Variants in ZSCAN12 observed in about 807,000 individuals in gnomAD.
ZSCAN12 encodes the protein zinc finger and SCAN domain-containing protein 12.
Under a neutral mutation model 23.4 loss-of-function variants are expected in ZSCAN12, and 18 were observed. The ratio of observed to expected loss-of-function variants is 0.77; its 90% CI spans 0.53 to 1.14. The LOEUF (loss-of-function observed/expected upper bound fraction) is 1.14. Among genes scored for constraint, ZSCAN12 ranks in the 50% most tolerant of loss-of-function variants. The pLI is 0.00. For missense variants in ZSCAN12, 650 were observed against 735.0 expected, an observed-to-expected ratio of 0.88 and a Z score of 1.34; for synonymous variants, 186 against 253.4, an observed-to-expected ratio of 0.73 and a Z score of 2.53.
chr6:28,392,118 G>T (rs773961308), intron 3 of ZSCAN12, among the ~76,000 whole-genome samples: 1 of 151,890 alleles, frequency 6.6e-6, no homozygotes, highest in Non-Finnish European at 1.5e-5. Context: ...ATAAGGTAGC[G>T]GATCTTTCAC....
downstream of ZSCAN12, chr6:28,382,414 G>T: frequency 1.3e-6 from 2 of 1,501,560 alleles, no homozygotes; most frequent in Admixed American, 2.3e-5. Flanking sequence ...AAAGTTTGAG[G>T]AAAGACCTGT....
Position 28,391,431 on chromosome 6 carries a change from A to G in ZSCAN12, c.859T>C (p.Ser287Pro). 1 of 1,551,820 alleles carries G rather than the reference A, an allele frequency of 6.4e-7. No homozygotes were observed. Among genetic ancestry groups the G allele is most frequent in the Non-Finnish European group, 8.7e-7 (1 of 1,146,966 alleles). ...DDCGKAFSQH[S>P]HLIEHQRIHT... is the part of the protein sequence containing the mutation. ...ATCCTCTGATGTTCTATGAGGTGTG[A>G]GTGCTGACTAAAAGCTTTTCCACAG... Residue 287 changes from serine to proline, a missense_variant, in exon 4 of 4, where the codon TCA becomes CCA. By Grantham distance (74) the Ser-to-Pro change is moderately conservative. Coordinates refer to ENST00000684592, the MANE Select transcript of ZSCAN12 (RefSeq NM_001163391.2). The surrounding 1 kb of genome is among the most constrained non-coding windows in gnomAD (Gnocchi z 4.1).
rs963282485 is a variant in ZSCAN12 at position 28,391,416 on chromosome 6, G to A, written c.874C>T (p.His292Tyr). ...CTATCTCCAGTATGGATCCTCTGAT[G>A]TTCTATGAGGTGTGAGTGCTGACTA... is the stretch of plus-strand genomic sequence containing the variant. ...AFSQHSHLIE[H>Y]QRIHTGDRPY... The change falls in exon 4 of 4, where the codon CAT (histidine) becomes TAT (tyrosine). Residue 292 changes from histidine (H) to tyrosine (Y), a missense_variant. His to Tyr is a moderately conservative substitution (Grantham distance 83, BLOSUM62 2). Coordinates refer to ENST00000684592, the MANE Select transcript of ZSCAN12 (RefSeq NM_001163391.2). This position sits in a 1 kb window ranked among gnomAD's most constrained non-coding sequence, Gnocchi z 4.1. 2 of 1,551,558 alleles carry A rather than the reference G, an allele frequency of 1.3e-6. No individual in the cohort carries two copies. Among genetic ancestry groups the A allele is most frequent in the Non-Finnish European group, 1.7e-6 (2 of 1,146,744 alleles).
chr6:28,382,754 A>C (rs985277668), downstream of ZSCAN12: 67 of 1,336,812 alleles, frequency 5.0e-5, no homozygotes, highest in South Asian at 9.7e-5. Flanking sequence ...GTGACTGCAA[A>C]TTATTAGCTA....
chr6:28,391,048 A>G lies in ZSCAN12; in HGVS notation c.1242T>C (p.Tyr414=). 2 of 1,556,078 alleles carry G rather than the reference A, an allele frequency of 1.3e-6. No homozygotes were observed. Among genetic ancestry groups the G allele is most frequent in the South Asian group, 2.4e-5 (2 of 84,286 alleles). The stretch of plus-strand genomic sequence containing the variant: ...AGGCTTTTCCACACTCGTTGCACTC[A>G]TACGGCTTGGCGCCGGTATGAACTC... ...HQGVHTGAKP[Y]ECNECGKAFV... is the part of the protein sequence containing the mutation. Residue 414 remains tyrosine, a synonymous_variant, in exon 4 of 4, where the codon TAT becomes TAC. Coordinates refer to ENST00000684592, the MANE Select transcript of ZSCAN12 (RefSeq NM_001163391.2). The surrounding 1 kb of genome is among the most constrained non-coding windows in gnomAD (Gnocchi z 4.1).
rs765440621 is a variant in ZSCAN12 at position 28,391,006 on chromosome 6, G to A, written c.1284C>T (p.Ser428=). ...ECGKAFVYNS[S]LVSHQEIHHK... ...GGTGGATTTCCTGATGGGAAACAAG[G>A]GATGAGTTATAAACAAAGGCTTTTC... Residue 428 remains serine, a synonymous_variant, in exon 4 of 4, where the codon TCC becomes TCT. Transcript: ENST00000684592. The surrounding 1 kb of genome is among the most constrained non-coding windows in gnomAD (Gnocchi z 4.1). The A allele has an allele frequency of 6.4e-7, 1 of 1,556,458 alleles. No individual in the cohort carries two copies. The highest frequency in any genetic ancestry group is 1.2e-5 in the South Asian group (1 of 84,354).
chr6:28,391,301 T>C lies in ZSCAN12; in HGVS notation c.989A>G (p.Tyr330Cys), dbSNP rs61742568. 1.3e-4 allele frequency: 198 copies of C among 1,551,960 alleles called. 1 individual carries two copies. The highest frequency in any genetic ancestry group is 6.9e-4 in the South Asian group (58 of 84,052). Residue 330 changes from tyrosine to cysteine, a missense_variant, in exon 4 of 4, where the codon TAT becomes TGT. Coordinates refer to ENST00000684592, the MANE Select transcript of ZSCAN12 (RefSeq NM_001163391.2). The surrounding 1 kb of genome is among the most constrained non-coding windows in gnomAD (Gnocchi z 4.1). ...HKIIHTGEKP[Y>C]KCNECGKAFG... ...GGCTTTGCCACATTCATTACACTTA[T>C]ACGGTTTCTCTCCAGTGTGTATTAT...
intron 2 of ZSCAN12, among the ~76,000 whole-genome samples, 195 bp downstream of exon 2, chr6:28,397,809 A>T (rs182556291): frequency 2.5e-3 from 379 of 152,208 alleles, no homozygotes; most frequent in Non-Finnish European, 3.2e-3. Context: ...CTTAATAGAG[A>T]AATATAAAAT....
At position 28,398,237 on chromosome 6, in the gene ZSCAN12, T is replaced by C. The variant is rs772662681; in HGVS notation, c.169A>G (p.Thr57Ala). 2 of 1,614,026 alleles carry C rather than the reference T, an allele frequency of 1.2e-6. No homozygotes were observed. The highest frequency in any genetic ancestry group is 1.1e-5 in the South Asian group (1 of 91,040). Residue 57 changes from threonine (T) to alanine (A), a missense_variant, in exon 2 of 4, where the codon ACA becomes GCA. Coordinates refer to ENST00000684592, the MANE Select transcript of ZSCAN12 (RefSeq NM_001163391.2). ...QYFRQFCYQE[T>A]SGPREALSRL... ...CTCAAAGCCTCACGGGGACCAGATG[T>C]CTCCTGGTAGCAGAACTGTCTGAAG...
chr6:28,391,522 A>C lies in ZSCAN12; in HGVS notation c.768T>G (p.Thr256=). The C allele has an allele frequency of 6.4e-7, 1 of 1,552,110 alleles. No individual in the cohort carries two copies. The highest frequency in any genetic ancestry group is 8.7e-7 in the Non-Finnish European group (1 of 1,147,074). The change falls in exon 4 of 4, where the codon ACT becomes ACG. Residue 256 remains threonine (T), a synonymous_variant. Transcript: ENST00000684592. The surrounding 1 kb of genome is among the most constrained non-coding windows in gnomAD (Gnocchi z 4.1). ...PTCDENGVSL[T]ENSDHTEHQR... ...GATGTTCAGTATGGTCAGAGTTCTC[A>C]GTCAGGCTTACTCCATTTTCATCAC...
In ZSCAN12 at chr6:28,385,851, A is replaced by G. The variant is rs1025570438; in HGVS notation, c.*4603T>C. Among the ~76,000 whole-genome samples the G allele has an allele frequency of 7.2e-5, 11 of 152,218 alleles. No individual in the cohort carries two copies. The highest frequency in any genetic ancestry group is 1.2e-4 in the Non-Finnish European group (8 of 68,032). ...CTCTACAAATAATCTGTATATTAAC[A>G]AAAGTGGCTACTTCTGTACTGAATA... is the stretch of plus-strand genomic sequence containing the variant. On this transcript the variant is annotated 3_prime_UTR_variant, in exon 4 of 4. Coordinates refer to ENST00000684592, the MANE Select transcript of ZSCAN12 (RefSeq NM_001163391.2).
At chr6:28,395,854 A>C (rs1401879695) in intron 2 of ZSCAN12, among the ~76,000 whole-genome samples, 1 of 152,122 alleles carries the variant, frequency 6.6e-6, no homozygotes, top group East Asian at 1.9e-4. Flanking sequence ...TGCTCTTTTC[A>C]TTCAGATTTC....
downstream of ZSCAN12, among the ~76,000 whole-genome samples, chr6:28,383,723 C>A (rs1336124132): frequency 6.6e-6 from 1 of 152,184 alleles, no homozygotes; most frequent in Non-Finnish European, 1.5e-5. Context: ...CTCTCCTTTC[C>A]AGCTTGGGCG....
chr6:28,398,000 TCACCTGC>T lies in ZSCAN12; in HGVS notation c.399_402+3del, dbSNP rs1352512495. 4 of 1,554,840 alleles carry T rather than the reference TCACCTGC, an allele frequency of 2.6e-6. No homozygotes were observed. The highest frequency in any genetic ancestry group is 4.1e-5 in the Admixed American group (2 of 48,562). ...TCAAGCAGAAGTCACATCTTTTTTCTCACCTGCTCTCCTGGTTCATCCAGTTCTCTCT... is the reference window on the plus strand; with the variant it reads ...TCAAGCAGAAGTCACATCTTTTTTCTTCTCCTGGTTCATCCAGTTCTCTCT... On this transcript the variant is annotated splice_donor_variant and splice_donor_region_variant and coding_sequence_variant and intron_variant, in exon 2 of 4. Coordinates refer to ENST00000684592, the MANE Select transcript of ZSCAN12 (RefSeq NM_001163391.2). LOFTEE classifies it high-confidence loss of function.
At chr6:28,392,729 T>G (rs1381306068) in intron 3 of ZSCAN12, among the ~76,000 whole-genome samples, 173 bp downstream of exon 3, 1 of 152,268 alleles carries the variant, frequency 6.6e-6, no homozygotes, top group East Asian at 1.9e-4. Flanking sequence ...TACAAAAAAG[T>G]AAGGGTTGAA....
At chr6:28,382,815 T>A (rs1760329286), downstream of ZSCAN12, among the ~76,000 whole-genome samples, 3 of 152,152 alleles carry the variant, frequency 2.0e-5, no homozygotes, top group South Asian at 6.2e-4. Context: ...AATAAAACTT[T>A]AAAGATCATG....
chr6:28,392,809 T>G, intron 3 of ZSCAN12, 93 bp downstream of exon 3: 1 of 1,408,088 alleles, frequency 7.1e-7, no homozygotes, highest in Admixed American at 2.4e-5. Flanking sequence ...TTTTTGACTT[T>G]AATGATCAGA....
rs1760556288 is a variant in ZSCAN12 at position 28,386,677 on chromosome 6, T to C, written c.*3777A>G. 6.6e-6 allele frequency among the ~76,000 whole-genome samples: 1 copy of C among 152,248 alleles called. No homozygotes were observed. The highest frequency in any genetic ancestry group is 1.5e-5 in the Non-Finnish European group (1 of 68,046). On this transcript the variant is annotated 3_prime_UTR_variant, in exon 4 of 4. Coordinates refer to ENST00000684592, the MANE Select transcript of ZSCAN12 (RefSeq NM_001163391.2). ...AATTTAGCTCCAATTAGTAGCCTTA[T>C]TCTACTATATTTCCTCTTTATCCTG...
At chr6:28,396,555 C>T (rs919286372) in intron 2 of ZSCAN12, among the ~76,000 whole-genome samples, 2 of 151,996 alleles carry the variant, frequency 1.3e-5, no homozygotes, top group African/African-American at 4.8e-5. Flanking sequence ...TAAGACATGC[C>T]TCATCCTTGG....
Sources: gnomAD v4.1 joint callset for allele counts (sites outside exome capture counted in the v4.1 genomes callset) on GRCh38, gnomAD v4.1.1 for gene constraint, Gnocchi (gnomAD v3.1) non-coding constraint, MANE v1.5 for transcripts, NCBI Gene and HGNC (gene_info 2026-07-23, HGNC 2026-07-21) for gene names.